RAD21: variants seen among roughly 807,000 people sequenced by gnomAD.
RAD21 encodes RAD21 cohesin complex component.
A neutral mutation model predicts 71.5 loss-of-function variants in RAD21; 18 were observed. The observed-to-expected ratio is 0.25, with a 90% CI of 0.17 to 0.37. The LOEUF (loss-of-function observed/expected upper bound fraction) is 0.37. RAD21 is among the 10% of genes least tolerant of loss of function. The pLI, the probability that RAD21 is intolerant of heterozygous loss-of-function variation, is 1.00. For synonymous variants in RAD21, 248 were observed against 254.0 expected (o/e 0.98, Z 0.22); for missense variants, 493 against 769.1 (o/e 0.64, Z 4.25).
chr8:116,866,448 T>A (rs1812695841), intron 2 of RAD21, 138 bp downstream of exon 2: 1 of 693,752 alleles, frequency 1.4e-6, no homozygotes, highest in African/African-American at 1.8e-5. Flanking sequence ...TGATAAGGAC[T>A]TCACATAATA....
intron 1 of RAD21, among the ~76,000 whole-genome samples, chr8:116,872,299 C>G (rs1812839286): frequency 6.6e-6 from 1 of 152,070 alleles, no homozygotes; most frequent in Non-Finnish European, 1.5e-5. Context: ...GACAATTGTA[C>G]AGTACAACTT....
At chr8:116,859,951 T>C (rs1812554882) in intron 4 of RAD21, among the ~76,000 whole-genome samples, 1 of 152,118 alleles carries the variant, frequency 6.6e-6, no homozygotes, top group Admixed American at 6.6e-5. Flanking sequence ...TGAACATGAA[T>C]AAGAAAACAA....
intron 1 of RAD21, among the ~76,000 whole-genome samples, chr8:116,869,918 A>C (rs1438705042): frequency 6.6e-6 from 1 of 152,210 alleles, no homozygotes; most frequent in Non-Finnish European, 1.5e-5. Flanking sequence ...CTTTCAATTA[A>C]AAATGTGCCA....
At chr8:116,859,336 A>G (rs538767706) in intron 4 of RAD21, among the ~76,000 whole-genome samples, 140 of 152,238 alleles carry the variant, frequency 9.2e-4, no homozygotes, top group Non-Finnish European at 9.0e-4. Flanking sequence ...TTCTCATGCT[A>G]TTTAAAAATT....
Position 116,852,103 on chromosome 8 carries a change from T to C in RAD21, c.1322-7A>G. The C allele has an allele frequency of 1.3e-6, 2 of 1,597,350 alleles. No homozygotes were observed. Among genetic ancestry groups the C allele is most frequent in the Non-Finnish European group, 1.7e-6 (2 of 1,166,700 alleles). Reference sequence around the variant, plus strand: ...TCTTCAATAATGGGCTCATCTGCAATTGGTCATATGAAGAGAAAACATAGG... The same window carrying C: ...TCTTCAATAATGGGCTCATCTGCAACTGGTCATATGAAGAGAAAACATAGG... On this transcript the variant is annotated splice_region_variant and splice_polypyrimidine_tract_variant and intron_variant, in intron 10 of 13. Coordinates refer to ENST00000297338, the MANE Select transcript of RAD21 (RefSeq NM_006265.3).
At position 116,854,397 on chromosome 8, in the gene RAD21, T is replaced by C; in HGVS notation, c.1009A>G (p.Ile337Val). The part of the protein sequence containing the change: ...DSVKELDSKT[I>V]RAQLSDYSDI... ...GAATAATCACTAAGTTGGGCTCTAA[T>C]TGTCTTGCTATCCAACTCTTTGACA... The change falls in exon 9 of 14, where the codon ATT (isoleucine) becomes GTT (valine). Residue 337 changes from isoleucine to valine, a missense_variant. By Grantham distance (29) the Ile-to-Val change is conservative. This residue lies in a region of RAD21 where 42 missense variants were observed against 117.2 expected (regional missense o/e 0.36). Coordinates refer to ENST00000297338, the MANE Select transcript of RAD21 (RefSeq NM_006265.3). The C allele has an allele frequency of 6.2e-7, 1 of 1,614,032 alleles. No individual in the cohort carries two copies. The highest frequency in any genetic ancestry group is 8.5e-7 in the Non-Finnish European group (1 of 1,179,958).
At chr8:116,864,579 T>A (rs562697747) in intron 2 of RAD21, among the ~76,000 whole-genome samples, 2 of 152,198 alleles carry the variant, frequency 1.3e-5, no homozygotes, top group African/African-American at 2.4e-5. Context: ...TTAAAAAAAT[T>A]CAAAGTAAAA....
At chr8:116,860,024 T>C (rs1812556297) in intron 4 of RAD21, among the ~76,000 whole-genome samples, 1 of 152,126 alleles carries the variant, frequency 6.6e-6, no homozygotes, top group Non-Finnish European at 1.5e-5. Flanking sequence ...TGGAAGAAAT[T>C]AACATTAACC....
chr8:116,847,538 T>C lies in RAD21; in HGVS notation c.1858A>G (p.Ile620Val), dbSNP rs764118613. 1.9e-6 allele frequency: 3 copies of C among 1,613,346 alleles called. No homozygotes were observed. The highest frequency in any genetic ancestry group is 2.5e-6 in the Non-Finnish European group (3 of 1,179,754). The change falls in exon 14 of 14, where the codon ATC (isoleucine) becomes GTC (valine). Residue 620 changes from isoleucine (I) to valine (V), a missense_variant. Physicochemically the swap from Ile to Val is conservative, Grantham distance 29. Coordinates refer to ENST00000297338, the MANE Select transcript of RAD21 (RefSeq NM_006265.3). ...AACCTTGGTCCAGGTGTTGCGATGA[T>C]GTCACTGTACGGTTCTTCCTGTGTC... ...ELTQEEPYSD[I>V]IATPGPRFHI...
rs540943801 is a variant in RAD21, at chr8:116,867,987, C to T, written c.-32-1226G>A. Among the ~76,000 whole-genome samples, 35 of 152,328 alleles carry T rather than the reference C, an allele frequency of 2.3e-4. No homozygotes were observed. The Middle Eastern group carries it at 0.01, about 44-fold the overall frequency. On this transcript the variant is annotated intron_variant, in intron 1 of 13. Transcript: ENST00000297338. ...CAAAACTCATCACATTCATCCCTCTCTCTCTGCCATTTCTAAGTCTTGACA... is the reference window on the plus strand; with the variant it reads ...CAAAACTCATCACATTCATCCCTCTTTCTCTGCCATTTCTAAGTCTTGACA...
At chr8:116,868,416 C>T (rs3020127) in intron 1 of RAD21, among the ~76,000 whole-genome samples, 80,941 of 151,942 alleles carry the variant, frequency 0.53, 21,810 homozygotes, top group South Asian at 0.71. Context: ...CATTTAGTTG[C>T]TTCCAGTTTT....
chr8:116,872,455 T>G (rs1812844329), intron 1 of RAD21, among the ~76,000 whole-genome samples: 1 of 152,100 alleles, frequency 6.6e-6, no homozygotes, highest in African/African-American at 2.4e-5. Context: ...CACATGAAAC[T>G]GGTGATACTG....
intron 1 of RAD21, among the ~76,000 whole-genome samples, chr8:116,870,042 G>A (rs6987652): frequency 0.28 from 43,272 of 152,008 alleles, 6,224 homozygotes; most frequent in South Asian, 0.47. Flanking sequence ...CAAGACTACT[G>A]CAGTCAGGTT....
At position 116,858,340 on chromosome 8, in the gene RAD21, T is replaced by C; in HGVS notation, c.481+12A>G. Reference sequence around the variant, plus strand: ...ATTATAATTAATGGCTAATAATTTGTTTCTCTTTTACCAAAATCATTTTCT... The same window carrying C: ...ATTATAATTAATGGCTAATAATTTGCTTCTCTTTTACCAAAATCATTTTCT... On this transcript the variant is annotated intron_variant, in intron 5 of 13. Transcript: ENST00000297338. 1.8e-5 allele frequency: 28 copies of C among 1,577,190 alleles called. No homozygotes were observed. Among genetic ancestry groups the C allele is most frequent in the Non-Finnish European group, 2.4e-5 (28 of 1,148,130 alleles).
At chr8:116,869,639 G>C (rs935909233) in intron 1 of RAD21, among the ~76,000 whole-genome samples, 6 of 152,082 alleles carry the variant, frequency 3.9e-5, no homozygotes, top group African/African-American at 1.4e-4. Context: ...GAGGTTTACT[G>C]ATGACAAATA....
rs948035224 is a variant in RAD21, at chr8:116,856,315, A to C, written c.815-27T>G. 2.9e-6 allele frequency: 4 copies of C among 1,376,660 alleles called. No individual in the cohort carries two copies. In the African/African-American group the frequency reaches 4.8e-5, roughly 16 times the overall value. The allele number at this position is 1,376,660 out of a possible 1,614,324, so 85.3% of individuals were successfully genotyped here. A position where few individuals can be genotyped will look rare whatever the true frequency, so the allele number is the denominator to read the frequency against. Reference sequence around the variant, plus strand: ...TGTAAAAAAAAAAAAAAAAAAAAAAAGTCACAAAAAGCTTTGGTATATAAC... The same window carrying C: ...TGTAAAAAAAAAAAAAAAAAAAAAACGTCACAAAAAGCTTTGGTATATAAC... On this transcript the variant is annotated intron_variant, in intron 7 of 13. Transcript: ENST00000297338.
intron 2 of RAD21, among the ~76,000 whole-genome samples, chr8:116,866,274 A>G (rs1391034370): frequency 1.3e-5 from 2 of 148,470 alleles, no homozygotes; most frequent in Non-Finnish European, 3.0e-5. Flanking sequence ...TTTTTGAGAC[A>G]GGGTCTCAAA....
At chr8:116,870,353 C>G (rs1812793322) in intron 1 of RAD21, among the ~76,000 whole-genome samples, 1 of 151,854 alleles carries the variant, frequency 6.6e-6, no homozygotes, top group East Asian at 1.9e-4. Flanking sequence ...ATAGCAAGAC[C>G]CCGTGTTTAT....
intron 2 of RAD21, among the ~76,000 whole-genome samples, chr8:116,864,482 T>C (rs756094118): frequency 6.6e-6 from 1 of 152,148 alleles, no homozygotes; most frequent in Non-Finnish European, 1.5e-5. Flanking sequence ...TAAATGATGA[T>C]GTATATGGCC....
Sources: allele counts gnomAD v4.1 joint callset (sites outside exome capture counted in the v4.1 genomes callset), GRCh38; gene constraint gnomAD v4.1.1; regional missense constraint gnomAD v4.1.1; transcripts MANE v1.5; gene names NCBI Gene and HGNC (gene_info 2026-07-23, HGNC 2026-07-21).